SOS1: variants seen among roughly 807,000 people sequenced by gnomAD.
The protein encoded by SOS1 is SOS Ras/Rac guanine nucleotide exchange factor 1, also known as son of sevenless homolog 1.
A neutral mutation model predicts 157.6 loss-of-function variants in SOS1; 25 were observed. The observed-to-expected ratio is 0.16, with a 90% CI of 0.12 to 0.22. The LOEUF is 0.22. SOS1 is among the 10% of genes least tolerant of loss of function. SOS1 has a pLI of 1.00. For synonymous variants in SOS1, 528 were observed against 534.0 expected, an observed-to-expected ratio of 0.99 and a Z score of 0.16; for missense variants, 1,237 against 1,599.1, an observed-to-expected ratio of 0.77 and a Z score of 3.86.
At chr2:39,117,685 G>A in intron 1 of SOS1, among the ~76,000 whole-genome samples, 1 of 152,144 alleles carries the variant, frequency 6.6e-6, no homozygotes, top group East Asian at 1.9e-4. Flanking sequence ...AAAAACAGAA[G>A]GTGAGGTGGG....
At chr2:39,084,448 T>C (rs1572880668) in intron 1 of SOS1, among the ~76,000 whole-genome samples, 1 of 152,062 alleles carries the variant, frequency 6.6e-6, no homozygotes, top group South Asian at 2.1e-4. Flanking sequence ...TATGGAAGAA[T>C]ATAACCTTTG....
At chr2:39,121,956 C>G (rs1673907209), upstream of SOS1, among the ~76,000 whole-genome samples, 1 of 152,162 alleles carries the variant, frequency 6.6e-6, no homozygotes, top group South Asian at 2.1e-4. Context: ...CTATTATTTT[C>G]ATTTCACCGA....
Position 38,984,041 on chromosome 2 carries a change from C to T in SOS1, c.*1783G>A, listed in dbSNP as rs955104220. On this transcript the variant is annotated 3_prime_UTR_variant, in exon 23 of 23. Transcript: ENST00000402219. ...CCTTCTGGTCTTAAAGGACTACATACTGTACTATCGTGATGTACATTTTAT... is the reference window on the plus strand; with the variant it reads ...CCTTCTGGTCTTAAAGGACTACATATTGTACTATCGTGATGTACATTTTAT... 6.6e-6 allele frequency: 1 copy of T among 152,188 alleles called. No individual in the cohort carries two copies. The highest frequency in any genetic ancestry group is 2.4e-5 in the African/African-American group (1 of 41,454). 9.4% of individuals were successfully genotyped at this position (152,188 alleles called of 1,614,324 possible). A position where few individuals can be genotyped will look rare whatever the true frequency, so the allele number is the denominator to read the frequency against.
At chr2:39,067,881 G>A (rs1309003194) in intron 1 of SOS1, 128 bp from the exon 2 acceptor site, 2 of 770,814 alleles carry the variant, frequency 2.6e-6, no homozygotes, top group African/African-American at 1.7e-5. Flanking sequence ...CACTCTGGGA[G>A]GCCAAGGCGG....
In SOS1 at chr2:38,982,207, A is replaced by G. The variant is rs1470970803; in HGVS notation, c.*3617T>C. ...GGAAATTTGCTCACAGTCGACAGAAAATGCACTTTACGGTGTCAAAAATGG... is the reference window on the plus strand; with the variant it reads ...GGAAATTTGCTCACAGTCGACAGAAGATGCACTTTACGGTGTCAAAAATGG... On this transcript the variant is annotated 3_prime_UTR_variant, in exon 23 of 23. Transcript: ENST00000402219. 3 of 152,174 alleles carry G rather than the reference A, an allele frequency of 2.0e-5. No individual in the cohort carries two copies. Among genetic ancestry groups the G allele is most frequent in the Non-Finnish European group, 4.4e-5 (3 of 68,026 alleles). 9.4% of individuals were successfully genotyped at this position (152,174 alleles called of 1,614,324 possible).
intron 1 of SOS1, among the ~76,000 whole-genome samples, chr2:39,068,105 C>T (rs1333764466): frequency 6.6e-6 from 1 of 152,036 alleles, no homozygotes; most frequent in Non-Finnish European, 1.5e-5. Flanking sequence ...GGCAACAGAG[C>T]AAGACTCTGT....
chr2:39,098,578 G>T (rs991522027), intron 1 of SOS1: 1 of 152,502 alleles, frequency 6.6e-6, no homozygotes, highest in Non-Finnish European at 1.5e-5. Context: ...ATTTGATAAG[G>T]AACTTACATT....
rs1471384111 is a variant in SOS1, at chr2:38,984,816, G to C, written c.*1008C>G. The stretch of plus-strand genomic sequence containing the variant: ...CATTCACTATATACATATGATTTAG[G>C]CAATGCAAGATAATTCTAGATATGC... On this transcript the variant is annotated 3_prime_UTR_variant, in exon 23 of 23. Transcript: ENST00000402219. 3 of 152,084 alleles carry C rather than the reference G, an allele frequency of 2.0e-5. No individual in the cohort carries two copies. The highest frequency in any genetic ancestry group is 1.9e-4 in the East Asian group (1 of 5,198). The allele number at this position is 152,084 out of a possible 1,614,324, so 9.4% of individuals were successfully genotyped here.
chr2:39,004,354 C>A (rs1401887762), intron 17 of SOS1, among the ~76,000 whole-genome samples: 1 of 130,918 alleles, frequency 7.6e-6, no homozygotes, highest in African/African-American at 2.9e-5. Context: ...TGCAGTGAGC[C>A]GAGATGGCAG....
In SOS1 at chr2:39,120,234, G is replaced by C. The variant is rs966365811; in HGVS notation, c.87+102C>G. On this transcript the variant is annotated intron_variant, in intron 1 of 22. Transcript: ENST00000402219. The stretch of plus-strand genomic sequence containing the variant: ...GTCCTTTTGGAGACGCGGCGAGACC[G>C]GGAAGAAAGACGGCCCTGCGCGCGC... The C allele has an allele frequency of 1.3e-5, 14 of 1,056,384 alleles. No homozygotes were observed. In the Admixed American group the frequency reaches 3.8e-4, roughly 28 times the overall value. The allele number at this position is 1,056,384 out of a possible 1,614,324, so 65.4% of individuals were successfully genotyped here.
At position 38,986,021 on chromosome 2, in the gene SOS1, T is replaced by C. The variant is rs1668545827; in HGVS notation, c.3805A>G (p.Thr1269Ala). ...GGTGGTGATGGCAGATGCCTTCTTG[T>C]GCCGTGAGGAGAAGGTGTTTGAGGA... ...PPPQTPSPHG[T>A]RRHLPSPPLT... Residue 1269 changes from threonine to alanine, a missense_variant, in exon 23 of 23, where the codon ACA becomes GCA. By Grantham distance (58) the Thr-to-Ala change is moderately conservative (BLOSUM62 0). Around this residue, in one of 15 missense-constraint regions of SOS1, gnomAD observed 306 missense variants for 322.6 expected, o/e 0.95. Transcript: ENST00000402219. The C allele has an allele frequency of 6.2e-7, 1 of 1,613,732 alleles. No homozygotes were observed. Among genetic ancestry groups the C allele is most frequent in the African/African-American group, 1.3e-5 (1 of 74,872 alleles).
chr2:39,096,615 G>A (rs1672773885), intron 1 of SOS1, among the ~76,000 whole-genome samples: 1 of 152,158 alleles, frequency 6.6e-6, no homozygotes, highest in African/African-American at 2.4e-5. Context: ...GCCGGGCACG[G>A]TGGTCCACGC....
chr2:39,105,894 T>G (rs376582109), intron 1 of SOS1, among the ~76,000 whole-genome samples: 15 of 151,638 alleles, frequency 9.9e-5, no homozygotes, highest in African/African-American at 3.6e-4. Flanking sequence ...GGTGAGACTC[T>G]GTCTCAAAAA....
At chr2:39,083,267 G>A (rs1426941112) in intron 1 of SOS1, among the ~76,000 whole-genome samples, 1 of 152,046 alleles carries the variant, frequency 6.6e-6, no homozygotes, top group African/African-American at 2.4e-5. Flanking sequence ...AGGTGGACAG[G>A]AGCAATTTAA....
intron 1 of SOS1, among the ~76,000 whole-genome samples, chr2:39,084,185 G>C (rs922633466): frequency 2.0e-5 from 3 of 152,122 alleles, no homozygotes; most frequent in African/African-American, 7.2e-5. Context: ...AAGCCACTTA[G>C]TCTGTGGTAC....
intron 10 of SOS1, among the ~76,000 whole-genome samples, chr2:39,021,455 T>A (rs192661614): frequency 6.6e-6 from 1 of 151,064 alleles, no homozygotes; most frequent in Non-Finnish European, 1.5e-5. Context: ...TTGAAAATGT[T>A]TTCCTGCCCA....
At position 38,989,046 on chromosome 2, in the gene SOS1, T is replaced by G. The variant is rs531471878; in HGVS notation, c.3391+224A>C. Among the ~76,000 whole-genome samples, 176 of 152,170 alleles carry G rather than the reference T, an allele frequency of 1.2e-3. 1 individual carries two copies. The highest frequency in any genetic ancestry group is 2.1e-3 in the Non-Finnish European group (141 of 67,984). The stretch of plus-strand genomic sequence containing the variant: ...GGAAGCCACTTATTTAATATGTTCT[T>G]TTAAGAGAGAAACAAGGTTTTATAA... On this transcript the variant is annotated intron_variant, in intron 21 of 22. Transcript: ENST00000402219.
At chr2:39,050,995 G>A (rs763167188) in intron 6 of SOS1, 149 bp downstream of exon 6, 61 of 749,646 alleles carry the variant, frequency 8.1e-5, no homozygotes, top group Non-Finnish European at 1.3e-4. Context: ...AACATATGTT[G>A]ACAATGACCC....
intron 12 of SOS1, 131 bp downstream of exon 12, chr2:39,013,736 C>T: frequency 1.1e-6 from 1 of 905,972 alleles, no homozygotes; most frequent in Non-Finnish European, 1.8e-6. Flanking sequence ...CTGATAACTG[C>T]TCTAATTAGT....
Sources: allele counts gnomAD v4.1 joint callset (sites outside exome capture counted in the v4.1 genomes callset), GRCh38; gene constraint gnomAD v4.1.1; regional missense constraint gnomAD v4.1.1; transcripts MANE v1.5; gene names NCBI Gene and HGNC (gene_info 2026-07-23, HGNC 2026-07-21).